Variants in EEIG1 observed in about 807,000 individuals in gnomAD.
EEIG1 encodes the protein estrogen-induced osteoclastogenesis regulator 1.
chr9:127,965,246 G>C, the EEIG1 span, among the ~76,000 whole-genome samples: 3 of 152,070 alleles, frequency 2.0e-5, no homozygotes, highest in Non-Finnish European at 4.4e-5. Flanking sequence ...CTTTTTGTGA[G>C]GGGCTGTCCT....
At chr9:127,945,707 C>G in the EEIG1 span, 2 of 1,590,838 alleles carry the variant, frequency 1.3e-6, no homozygotes, top group Non-Finnish European at 1.7e-6. The surrounding 1 kb of genome is among the most constrained non-coding windows in gnomAD (Gnocchi z 6.5). Context: ...CAGAGTGGAA[C>G]ACCTCCTCAG....
the EEIG1 span, chr9:127,948,558 G>A: frequency 6.3e-6 from 5 of 794,290 alleles, no homozygotes; most frequent in Non-Finnish European, 1.0e-5. Context: ...TGGGGGCTCT[G>A]GCAAAGCCAC....
chr9:127,980,701 C>T, the EEIG1 span, among the ~76,000 whole-genome samples: 8 of 150,094 alleles, frequency 5.3e-5, no homozygotes, highest in African/African-American at 9.7e-5. Flanking sequence ...CCCCAGGGGG[C>T]TGCCAGGAGC....
the EEIG1 span, among the ~76,000 whole-genome samples, chr9:127,964,742 G>A: frequency 6.6e-6 from 1 of 152,176 alleles, no homozygotes; most frequent in Non-Finnish European, 1.5e-5. Context: ...CCCTGCGGGG[G>A]CAGGTGCTCA....
the EEIG1 span, among the ~76,000 whole-genome samples, chr9:127,962,991 G>A: frequency 6.6e-6 from 1 of 152,244 alleles, no homozygotes; most frequent in African/African-American, 2.4e-5. Flanking sequence ...AAGGTCCGGA[G>A]AAGGAGATTG....
chr9:127,973,511 C>T, the EEIG1 span, among the ~76,000 whole-genome samples: 1 of 152,202 alleles, frequency 6.6e-6, no homozygotes, highest in African/African-American at 2.4e-5. The surrounding 1 kb of genome is among the most constrained non-coding windows in gnomAD (Gnocchi z 4.2). Flanking sequence ...GGGCTGCTGC[C>T]AGGCTGGCAG....
At chr9:127,967,858 C>T in the EEIG1 span, among the ~76,000 whole-genome samples, 1 of 152,116 alleles carries the variant, frequency 6.6e-6, no homozygotes, top group Non-Finnish European at 1.5e-5. Context: ...CCAGAAGTAA[C>T]TACTGACAGG....
chr9:127,974,089 G>A, the EEIG1 span, among the ~76,000 whole-genome samples: 67 of 152,204 alleles, frequency 4.4e-4, no homozygotes, highest in African/African-American at 1.1e-3. Context: ...TCCATCTCCC[G>A]GCACTTACTA....
the EEIG1 span, among the ~76,000 whole-genome samples, chr9:127,960,177 C>A: frequency 6.6e-6 from 1 of 152,110 alleles, no homozygotes; most frequent in Non-Finnish European, 1.5e-5. Flanking sequence ...CATCTGAGCA[C>A]GGCTTGGACT....
the EEIG1 span, among the ~76,000 whole-genome samples, chr9:127,973,196 T>A: frequency 1.3e-5 from 2 of 152,124 alleles, no homozygotes; most frequent in African/African-American, 4.8e-5. This position sits in a 1 kb window ranked among gnomAD's most constrained non-coding sequence, Gnocchi z 4.2. Flanking sequence ...GGTCACTGCA[T>A]AGCAGTCACC....
At chr9:127,948,007 A>G in the EEIG1 span, 1 of 1,538,166 alleles carries the variant, frequency 6.5e-7, no homozygotes, top group Non-Finnish European at 8.8e-7. Flanking sequence ...GGACCTGGGC[A>G]TGACATGGAG....
At chr9:127,945,303 C>T in the EEIG1 span, 8 of 1,294,760 alleles carry the variant, frequency 6.2e-6, no homozygotes, top group South Asian at 2.9e-5. The surrounding 1 kb of genome is among the most constrained non-coding windows in gnomAD (Gnocchi z 6.5). Flanking sequence ...GGTAAAGAAG[C>T]GGAGGTTCAA....
At chr9:127,978,293 C>T in the EEIG1 span, among the ~76,000 whole-genome samples, 171 of 152,280 alleles carry the variant, frequency 1.1e-3, no homozygotes, top group African/African-American at 4.0e-3. Context: ...CCCAAACCAG[C>T]GAAGTTCAGT....
At chr9:127,942,379 CG>C in the EEIG1 span, 5 of 152,640 alleles carry the variant, frequency 3.3e-5, no homozygotes, top group African/African-American at 1.2e-4. Context: ...AGGCAGCACC[CG>C]TTCCCGCCGG....
the EEIG1 span, among the ~76,000 whole-genome samples, chr9:127,977,041 A>G: frequency 2.6e-5 from 4 of 152,066 alleles, no homozygotes; most frequent in Non-Finnish European, 5.9e-5. Flanking sequence ...GGAACCCAGG[A>G]ACCCCCGTCT....
the EEIG1 span, among the ~76,000 whole-genome samples, chr9:127,975,689 T>C: frequency 6.6e-6 from 1 of 152,170 alleles, no homozygotes; most frequent in East Asian, 1.9e-4. Context: ...AAATACTTGC[T>C]ATGAGGTAAG....
At chr9:127,963,060 A>G in the EEIG1 span, among the ~76,000 whole-genome samples, 3 of 152,222 alleles carry the variant, frequency 2.0e-5, no homozygotes, top group Non-Finnish European at 2.9e-5. Context: ...TCACACTGGT[A>G]TGAAGGGATA....
chr9:127,944,852 T>C, the EEIG1 span: 1 of 1,612,704 alleles, frequency 6.2e-7, no homozygotes, highest in Non-Finnish European at 8.5e-7. Context: ...TCGATCCGCG[T>C]GTCGTCCACC....
the EEIG1 span, among the ~76,000 whole-genome samples, chr9:127,956,554 G>A: frequency 6.6e-6 from 1 of 151,936 alleles, no homozygotes; most frequent in Non-Finnish European, 1.5e-5. Flanking sequence ...GGGATTACAG[G>A]TGCCCACCAC....
Sources: allele counts gnomAD v4.1 joint callset (sites outside exome capture counted in the v4.1 genomes callset), GRCh38; gene constraint gnomAD v4.1.1; non-coding constraint Gnocchi (gnomAD v3.1); transcripts MANE v1.5; gene names NCBI Gene and HGNC (gene_info 2026-07-23, HGNC 2026-07-21).